Variants in MRPL42 observed in about 807,000 individuals in gnomAD.
The protein encoded by MRPL42 is mitochondrial ribosomal protein L42.
Under a neutral mutation model 17.9 loss-of-function variants are expected in MRPL42, and 17 were observed. That is an observed-to-expected ratio of 0.95 (90% CI 0.65 to 1.42). The LOEUF is 1.42. Ranked by LOEUF, MRPL42 falls within the 40% of genes most tolerant of loss-of-function variation. The pLI is 0.00. For synonymous variants in MRPL42, 59 were observed against 54.4 expected (o/e 1.08, Z -0.37); for missense variants, 177 against 175.2 (o/e 1.01, Z -0.06).
intron 5 of MRPL42, chr12:93,500,971 GA>G (rs1205686520): frequency 1.9e-3 from 753 of 390,566 alleles, no homozygotes; most frequent in Middle Eastern, 3.1e-3. Context: ...CCAGTCTCTA[GA>G]AAAAAAAAAT....
At chr12:93,471,223 G>C (rs2121161378) in intron 2 of MRPL42, among the ~76,000 whole-genome samples, 1 of 152,190 alleles carries the variant, frequency 6.6e-6, no homozygotes, top group South Asian at 2.1e-4. Flanking sequence ...GAGTGCAGAG[G>C]CATGATCTTG....
At chr12:93,468,124 G>A (rs941176527) in intron 1 of MRPL42, among the ~76,000 whole-genome samples, 3 of 152,064 alleles carry the variant, frequency 2.0e-5, no homozygotes, top group South Asian at 4.1e-4. Flanking sequence ...AAATGGAGAT[G>A]CTGCTTCACA....
At chr12:93,497,139 G>T (rs1214967540) in intron 5 of MRPL42, among the ~76,000 whole-genome samples, 1 of 152,028 alleles carries the variant, frequency 6.6e-6, no homozygotes, top group Non-Finnish European at 1.5e-5. Flanking sequence ...TACCAGATGT[G>T]CAAAGAGCCA....
chr12:93,490,069 C>G (rs1724804360), intron 5 of MRPL42, among the ~76,000 whole-genome samples: 1 of 152,114 alleles, frequency 6.6e-6, no homozygotes, highest in South Asian at 2.1e-4. Context: ...AACCTTGTTT[C>G]AACTTCTTCT....
chr12:93,514,459 C>G lies in MRPL42; in HGVS notation c.*13238C>G, dbSNP rs1953760711. On this transcript the variant is annotated 3_prime_UTR_variant, in exon 6 of 6. Transcript: ENST00000549982. ...GGCTAATTTTTTTTTTTGGTAGAGA[C>G]AGGGTTTCACCATGTTGACCAGGCT... 1 of 151,536 alleles carries G rather than the reference C, an allele frequency of 6.6e-6. No individual in the cohort carries two copies. Among genetic ancestry groups the G allele is most frequent in the Admixed American group, 6.6e-5 (1 of 15,170 alleles). 9.4% of individuals were successfully genotyped at this position (151,536 alleles called of 1,614,324 possible). A position where few individuals can be genotyped will look rare whatever the true frequency, so the allele number is the denominator to read the frequency against.
Position 93,503,485 on chromosome 12 carries a change from A to G in MRPL42, c.*2264A>G, listed in dbSNP as rs926139239. 8 of 151,876 alleles carry G rather than the reference A, an allele frequency of 5.3e-5. No homozygotes were observed. Among genetic ancestry groups the G allele is most frequent in the East Asian group, 1.9e-4 (1 of 5,192 alleles). The allele number at this position is 151,876 out of a possible 1,614,324, so 9.4% of individuals were successfully genotyped here. ...AACCTCAATATCCTGGGCTCAAGCA[A>G]TCCTCCCACCGCAGCCTCCCGAATT... On this transcript the variant is annotated 3_prime_UTR_variant, in exon 6 of 6. Transcript: ENST00000549982.
intron 5 of MRPL42, among the ~76,000 whole-genome samples, chr12:93,500,034 A>G (rs1055929119): frequency 6.6e-6 from 1 of 152,242 alleles, no homozygotes; most frequent in Admixed American, 6.5e-5. Context: ...TTCTTAAATC[A>G]GTAAAGAAAA....
intron 4 of MRPL42, among the ~76,000 whole-genome samples, chr12:93,482,440 T>C (rs1190904163): frequency 6.6e-6 from 1 of 152,178 alleles, no homozygotes; most frequent in East Asian, 1.9e-4. Context: ...CCCTGCTTGG[T>C]CTTCAGCACC....
Position 93,512,108 on chromosome 12 carries a change from T to C in MRPL42, c.*10887T>C, listed in dbSNP as rs1184237297. 6.6e-6 allele frequency: 1 copy of C among 152,234 alleles called. No homozygotes were observed. The highest frequency in any genetic ancestry group is 2.1e-4 in the South Asian group (1 of 4,836). 9.4% of individuals were successfully genotyped at this position (152,234 alleles called of 1,614,324 possible). A position where few individuals can be genotyped will look rare whatever the true frequency, so the allele number is the denominator to read the frequency against. ...GAGGGAAAGTTCTGTTGAGCATATT[T>C]GAACATTTAATTATTGCTGCAAGAA... On this transcript the variant is annotated 3_prime_UTR_variant, in exon 6 of 6. Coordinates refer to ENST00000549982, the MANE Select transcript of MRPL42 (RefSeq NM_014050.4).
At chr12:93,496,643 T>TAAAAA (rs35375116) in intron 5 of MRPL42, among the ~76,000 whole-genome samples, 9 of 70,718 alleles carry the variant, frequency 1.3e-4, no homozygotes, top group African/African-American at 2.5e-4. Context: ...TCAGATTAGG[T>TAAAAA]AAAAAAAAAA....
At chr12:93,489,363 C>T (rs10431427) in intron 5 of MRPL42, among the ~76,000 whole-genome samples, 56,201 of 151,764 alleles carry the variant, frequency 0.37, 10,812 homozygotes, top group African/African-American at 0.47. Context: ...CATAGCCCAT[C>T]ATTTCCTGTC....
intron 5 of MRPL42, among the ~76,000 whole-genome samples, chr12:93,499,523 G>A (rs1185222638): frequency 1.3e-5 from 2 of 151,960 alleles, no homozygotes; most frequent in East Asian, 1.9e-4. Context: ...TCTGATGACC[G>A]TTCTCCCTGC....
At chr12:93,483,254 T>C (rs568263630) in intron 4 of MRPL42, among the ~76,000 whole-genome samples, 43 of 152,332 alleles carry the variant, frequency 2.8e-4, no homozygotes, top group African/African-American at 9.9e-4. Flanking sequence ...TTCACTGATA[T>C]CTTTGTTACT....
At chr12:93,477,297 C>A (rs539439050) in intron 3 of MRPL42, among the ~76,000 whole-genome samples, 1 of 152,054 alleles carries the variant, frequency 6.6e-6, no homozygotes, top group East Asian at 1.9e-4. Context: ...CATGCTTTAG[C>A]TTTTTGGAAA....
chr12:93,513,038 C>G lies in MRPL42; in HGVS notation c.*11817C>G, dbSNP rs1286656025. On this transcript the variant is annotated 3_prime_UTR_variant, in exon 6 of 6. Coordinates refer to ENST00000549982, the MANE Select transcript of MRPL42 (RefSeq NM_014050.4). ...TTCCGACCATTATCCCTTTGTAAAT[C>G]TGGTTTCATCTTATGAATAATATTT... 2.0e-5 allele frequency: 3 copies of G among 152,118 alleles called. No homozygotes were observed. The highest frequency in any genetic ancestry group is 4.4e-5 in the Non-Finnish European group (3 of 67,998). 9.4% of individuals were successfully genotyped at this position (152,118 alleles called of 1,614,324 possible).
rs921376873 is a variant in MRPL42, at chr12:93,509,259, A to G, written c.*8038A>G. ...ACCATTTTATATTCTCACCACCATG[A>G]ATGAAAGTTCCAATTGCTATATTCT... On this transcript the variant is annotated 3_prime_UTR_variant, in exon 6 of 6. Transcript: ENST00000549982. 1 of 151,690 alleles carries G rather than the reference A, an allele frequency of 6.6e-6. No individual in the cohort carries two copies. The highest frequency in any genetic ancestry group is 6.6e-5 in the Admixed American group (1 of 15,234). The allele number at this position is 151,690 out of a possible 1,614,324, so 9.4% of individuals were successfully genotyped here.
chr12:93,481,414 C>A (rs938609904), intron 4 of MRPL42, among the ~76,000 whole-genome samples: 1 of 152,146 alleles, frequency 6.6e-6, no homozygotes, highest in Admixed American at 6.5e-5. Context: ...AAATCTAGAT[C>A]ATTTCTCTTC....
chr12:93,485,038 G>T (rs1880673710), intron 4 of MRPL42, among the ~76,000 whole-genome samples: 2 of 39,570 alleles, frequency 5.1e-5, no homozygotes, highest in South Asian at 1.8e-3. Context: ...AAACAGAGAT[G>T]GGGGGTCTTA....
Position 93,513,743 on chromosome 12 carries a change from T to A in MRPL42, c.*12522T>A, listed in dbSNP as rs1953749147. 1 of 152,212 alleles carries A rather than the reference T, an allele frequency of 6.6e-6. No individual in the cohort carries two copies. Among genetic ancestry groups the A allele is most frequent in the East Asian group, 1.9e-4 (1 of 5,196 alleles). 9.4% of individuals were successfully genotyped at this position (152,212 alleles called of 1,614,324 possible). On this transcript the variant is annotated 3_prime_UTR_variant, in exon 6 of 6. Transcript: ENST00000549982. ...TTATATCCATTAACATAATTAAAAATTGGGGCTTTTAAAAAATGTTTTTCA... is the reference window on the plus strand; with the variant it reads ...TTATATCCATTAACATAATTAAAAAATGGGGCTTTTAAAAAATGTTTTTCA...
Sources: allele counts gnomAD v4.1 joint callset (sites outside exome capture counted in the v4.1 genomes callset), GRCh38; gene constraint gnomAD v4.1.1; transcripts MANE v1.5; gene names NCBI Gene and HGNC (gene_info 2026-07-23, HGNC 2026-07-21).